The following LRFN5 variants were observed in gnomAD, a reference collection of about 807,000 sequenced individuals.
LRFN5 encodes the protein leucine rich repeat and fibronectin type III domain containing 5.
A neutral mutation model predicts 45.6 loss-of-function variants in LRFN5; 24 were observed. That is an observed-to-expected ratio of 0.53 (90% CI 0.38 to 0.74). The LOEUF (loss-of-function observed/expected upper bound fraction) is 0.74. Among genes scored for constraint, LRFN5 ranks in the 30% least tolerant of loss-of-function variants. The pLI is 0.00. For missense variants in LRFN5, 776 were observed against 861.5 expected (o/e 0.90, Z 1.24); for synonymous variants, 340 against 313.8 (o/e 1.08, Z -0.88).
In LRFN5 at chr14:41,891,567, A is replaced by G; in HGVS notation, c.1703A>G (p.Asn568Ser). The G allele has an allele frequency of 1.2e-6, 2 of 1,614,196 alleles. No individual in the cohort carries two copies. The highest frequency in any genetic ancestry group is 1.3e-5 in the African/African-American group (1 of 75,040). ...NGQHKVTKVS[N>S]VYSQTNGAQI... Reference sequence around the variant, plus strand: ...CAACACAAGGTCACCAAGGTTAGCAATGTTTATTCCCAAACTAACGGGGCT... The same window carrying G: ...CAACACAAGGTCACCAAGGTTAGCAGTGTTTATTCCCAAACTAACGGGGCT... Residue 568 changes from asparagine to serine, a missense_variant, in exon 4 of 6, where the codon AAT becomes AGT. Around this residue, in one of 2 missense-constraint regions of LRFN5, gnomAD observed 465 missense variants for 456.4 expected, o/e 1.02. Transcript: ENST00000298119.
At chr14:41,768,623 C>T (rs747621233) in intron 2 of LRFN5, among the ~76,000 whole-genome samples, 5 of 152,022 alleles carry the variant, frequency 3.3e-5, no homozygotes, top group Admixed American at 6.6e-5. Flanking sequence ...AAGCCTGAGG[C>T]GACTGTGAAA....
intron 2 of LRFN5, among the ~76,000 whole-genome samples, chr14:41,792,398 AC>A (rs1213809040): frequency 6.6e-6 from 1 of 151,920 alleles, no homozygotes; most frequent in Non-Finnish European, 1.5e-5. Context: ...CCACAAATTT[AC>A]CAGGGTGGAG....
chr14:41,741,814 T>TAAAA (rs59143932), intron 1 of LRFN5, among the ~76,000 whole-genome samples: 3 of 135,014 alleles, frequency 2.2e-5, no homozygotes, highest in Non-Finnish European at 4.8e-5. Flanking sequence ...GGGGCTAAAA[T>TAAAA]AAAAAAAAAA....
At chr14:41,846,747 G>A (rs1325893183) in intron 2 of LRFN5, among the ~76,000 whole-genome samples, 2 of 152,104 alleles carry the variant, frequency 1.3e-5, no homozygotes, top group African/African-American at 2.4e-5. Context: ...GTAGGATGTA[G>A]AGCAGAATCT....
intron 1 of LRFN5, among the ~76,000 whole-genome samples, chr14:41,755,418 C>G (rs991273661): frequency 3.3e-5 from 5 of 152,172 alleles, no homozygotes; most frequent in African/African-American, 9.7e-5. Flanking sequence ...TTGTAGGTCT[C>G]TAAGGACTTG....
At chr14:41,631,706 A>G (rs560262980) in intron 1 of LRFN5, among the ~76,000 whole-genome samples, 5 of 152,268 alleles carry the variant, frequency 3.3e-5, no homozygotes, top group African/African-American at 9.6e-5. Flanking sequence ...GAGAGAAATA[A>G]TAAGTCATGA....
intron 1 of LRFN5, among the ~76,000 whole-genome samples, chr14:41,620,082 T>G (rs1403676149): frequency 1.3e-5 from 2 of 152,112 alleles, no homozygotes; most frequent in Non-Finnish European, 2.9e-5. Context: ...TATTTGGCCT[T>G]AGTAGATTGT....
At chr14:41,617,291 T>C (rs956153599) in intron 1 of LRFN5, among the ~76,000 whole-genome samples, 9 of 152,158 alleles carry the variant, frequency 5.9e-5, no homozygotes, top group African/African-American at 1.9e-4. Flanking sequence ...CCTATAGCTT[T>C]ATCATGATTG....
At position 41,667,725 on chromosome 14, in the gene LRFN5, C is replaced by T. The variant is rs539210578; in HGVS notation, c.-197+59163C>T. On this transcript the variant is annotated intron_variant, in intron 1 of 5. Coordinates refer to ENST00000298119, the MANE Select transcript of LRFN5 (RefSeq NM_152447.5). ...GATTAGCCAGTATCTGTTAATGGGC[C>T]TGTAGCTTTGGAATGCTGGTGGCCT... is the stretch of plus-strand genomic sequence containing the variant. Among the ~76,000 whole-genome samples the T allele has an allele frequency of 4.6e-5, 7 of 152,226 alleles. No homozygotes were observed. In the South Asian group the frequency reaches 1.5e-3, roughly 32 times the overall value.
intron 2 of LRFN5, among the ~76,000 whole-genome samples, chr14:41,879,485 C>T (rs1312921396): frequency 6.6e-6 from 1 of 151,628 alleles, no homozygotes; most frequent in Non-Finnish European, 1.5e-5. Context: ...TCATCTTCTC[C>T]TTGTCTTCCT....
intron 1 of LRFN5, among the ~76,000 whole-genome samples, chr14:41,747,964 G>A (rs911631032): frequency 7.2e-5 from 11 of 151,954 alleles, no homozygotes; most frequent in South Asian, 2.1e-4. Flanking sequence ...ATACTACTTC[G>A]TAATCATTAG....
intron 2 of LRFN5, among the ~76,000 whole-genome samples, chr14:41,843,021 G>A (rs1566477897): frequency 6.7e-6 from 1 of 149,826 alleles, no homozygotes; most frequent in Admixed American, 6.7e-5. Flanking sequence ...TTGAGATATA[G>A]GTGTATGTAA....
intron 2 of LRFN5, among the ~76,000 whole-genome samples, chr14:41,838,131 C>G (rs189423815): frequency 6.6e-6 from 1 of 152,244 alleles, no homozygotes; most frequent in Admixed American, 6.5e-5. Context: ...TTTTTAACAT[C>G]TACAAAAACA....
rs79306804 is a variant in LRFN5, at chr14:41,679,251, C to T, written c.-197+70689C>T. On this transcript the variant is annotated intron_variant, in intron 1 of 5. Transcript: ENST00000298119. The stretch of plus-strand genomic sequence containing the variant: ...AAAGCCAATGGACTTAGCAGCCATG[C>T]GACGCAGTGAAACACAAGCCAGGGT... Among the ~76,000 whole-genome samples, 1,359 of 152,180 alleles carry T rather than the reference C, an allele frequency of 8.9e-3. 24 individuals carry two copies. The highest frequency in any genetic ancestry group is 0.029 in the African/African-American group (1,220 of 41,512).
intron 2 of LRFN5, among the ~76,000 whole-genome samples, chr14:41,785,934 C>T (rs1055968971): frequency 6.6e-6 from 1 of 152,126 alleles, no homozygotes; most frequent in African/African-American, 2.4e-5. Context: ...TGTAAATAAA[C>T]ATGAAGCTTT....
chr14:41,862,120 C>CCA (rs1378882709), intron 2 of LRFN5, among the ~76,000 whole-genome samples: 2 of 152,210 alleles, frequency 1.3e-5, no homozygotes, highest in African/African-American at 4.8e-5. Flanking sequence ...TGAGACCTCT[C>CCA]CAGCCATGCA....
At chr14:41,804,700 G>A (rs1364046655) in intron 2 of LRFN5, among the ~76,000 whole-genome samples, 1 of 152,168 alleles carries the variant, frequency 6.6e-6, no homozygotes, top group East Asian at 1.9e-4. Context: ...AAGGCAAGAT[G>A]GAGGTTGGTT....
rs188407589 is a variant in LRFN5 at position 41,895,219 on chromosome 14, C to T, written c.2098+3257C>T. The stretch of plus-strand genomic sequence containing the variant: ...GTAGTGTCATAAAGGGATAATGAAG[C>T]ATCTAACGTAGCCCCAAATTTTAAG... On this transcript the variant is annotated intron_variant, in intron 4 of 5. Transcript: ENST00000298119. 5.2e-4 allele frequency among the ~76,000 whole-genome samples: 79 copies of T among 152,202 alleles called. 1 individual carries two copies. Among genetic ancestry groups the T allele is most frequent in the Non-Finnish European group, 8.1e-4 (55 of 68,014 alleles).
Position 41,739,211 on chromosome 14 carries a change from G to A in LRFN5, c.-196-27643G>A, listed in dbSNP as rs1884579455. 3.3e-5 allele frequency among the ~76,000 whole-genome samples: 5 copies of A among 152,170 alleles called. No individual in the cohort carries two copies. The South Asian group carries it at 1.0e-3, about 32-fold the overall frequency. On this transcript the variant is annotated intron_variant, in intron 1 of 5. Transcript: ENST00000298119. ...GGCAAGCCTGGGCAACATGGCCAAA[G>A]CCCATCTCCACAAAAATACAAAAAT...
Sources: allele counts gnomAD v4.1 joint callset (sites outside exome capture counted in the v4.1 genomes callset), GRCh38; gene constraint gnomAD v4.1.1; regional missense constraint gnomAD v4.1.1; transcripts MANE v1.5; gene names NCBI Gene and HGNC (gene_info 2026-07-23, HGNC 2026-07-21).